POU6F2: variants seen among roughly 807,000 people sequenced by gnomAD.
POU6F2 encodes POU domain, class 6, transcription factor 2.
In POU6F2, 31 loss-of-function variants were observed where a neutral mutation model predicts 71.3. The observed-to-expected ratio is 0.43, with a 90% CI of 0.33 to 0.59. The LOEUF (loss-of-function observed/expected upper bound fraction) is 0.59, where lower values mean the gene tolerates loss of function less well. Ranked by LOEUF, POU6F2 falls within the 20% of genes least tolerant of loss-of-function variation. The pLI is 0.04. For synonymous variants in POU6F2, 347 were observed against 355.7 expected (o/e 0.98, Z 0.27); for missense variants, 783 against 856.8 (o/e 0.91, Z 1.07).
At chr7:39,455,409 C>A (rs1001215956) in intron 8 of POU6F2, among the ~76,000 whole-genome samples, 1 of 152,200 alleles carries the variant, frequency 6.6e-6, no homozygotes, top group African/African-American at 2.4e-5. Flanking sequence ...CCAAAGAGGT[C>A]ACCATATTGC....
intron 5 of POU6F2, among the ~76,000 whole-genome samples, chr7:39,379,027 C>T (rs552319036): frequency 6.6e-6 from 1 of 152,126 alleles, no homozygotes; most frequent in Non-Finnish European, 1.5e-5. Flanking sequence ...AAGAGGAGGA[C>T]AAGCAGATGG....
chr7:39,158,594 C>T (rs1226963542), intron 2 of POU6F2, among the ~76,000 whole-genome samples: 1 of 152,122 alleles, frequency 6.6e-6, no homozygotes, highest in Non-Finnish European at 1.5e-5. Flanking sequence ...GTGGAAATCC[C>T]AGAGTCCAAA....
At chr7:39,403,966 C>G (rs1787361865) in intron 5 of POU6F2, among the ~76,000 whole-genome samples, 1 of 152,194 alleles carries the variant, frequency 6.6e-6, no homozygotes, top group Non-Finnish European at 1.5e-5. Flanking sequence ...CAGGGCATCT[C>G]CCCAGAACCC....
chr7:39,038,717 A>C lies in POU6F2; in HGVS notation c.106-47143A>C, dbSNP rs190163363. On this transcript the variant is annotated intron_variant, in intron 1 of 9. Coordinates refer to ENST00000518318, the MANE Select transcript of POU6F2 (RefSeq NM_001370959.1). ...AACCCTTGCCTTATCATCCATACCC[A>C]CTGTAGTTCTTGCTGATATCTTAAT... 2.6e-5 allele frequency among the ~76,000 whole-genome samples: 4 copies of C among 151,982 alleles called. No individual in the cohort carries two copies. In the East Asian group the frequency reaches 5.8e-4, roughly 22 times the overall value.
chr7:39,213,756 A>C lies in POU6F2; in HGVS notation c.598+6136A>C, dbSNP rs142752210. ...TTCCAAGCAGTGTTTCATCATAAAA[A>C]TATGCTACATTTTGTTTATCTATGA... On this transcript the variant is annotated intron_variant, in intron 4 of 9. Coordinates refer to ENST00000518318, the MANE Select transcript of POU6F2 (RefSeq NM_001370959.1). Among the ~76,000 whole-genome samples, 535 of 152,356 alleles carry C rather than the reference A, an allele frequency of 3.5e-3. 4 individuals carry two copies. The highest frequency in any genetic ancestry group is 0.012 in the African/African-American group (496 of 41,576).
intron 4 of POU6F2, among the ~76,000 whole-genome samples, chr7:39,245,037 C>G (rs1041925435): frequency 1.3e-5 from 2 of 152,146 alleles, no homozygotes; most frequent in Non-Finnish European, 2.9e-5. Flanking sequence ...AAGTCTATAA[C>G]CTTATAGGTA....
chr7:39,006,970 T>A, intron 1 of POU6F2: 1 of 1,225,170 alleles, frequency 8.2e-7, no homozygotes, highest in Non-Finnish European at 1.2e-6. Context: ...TTGTCATGTT[T>A]CCTTGAGTCA....
At position 39,155,471 on chromosome 7, in the gene POU6F2, T is replaced by C. The variant is rs142968726; in HGVS notation, c.278-48764T>C. Among the ~76,000 whole-genome samples the C allele has an allele frequency of 2.0e-3, 309 of 152,328 alleles. 2 individuals carry two copies. Among genetic ancestry groups the C allele is most frequent in the African/African-American group, 7.2e-3 (301 of 41,568 alleles). ...GAAAAGAGGGAGGAGCATAAGAGAA[T>C]GATTTGTTGAAGACCAATCTGGAGG... On this transcript the variant is annotated intron_variant, in intron 2 of 9. Coordinates refer to ENST00000518318, the MANE Select transcript of POU6F2 (RefSeq NM_001370959.1).
intron 6 of POU6F2, among the ~76,000 whole-genome samples, chr7:39,427,912 G>A (rs1408264306): frequency 6.6e-6 from 1 of 152,192 alleles, no homozygotes; most frequent in African/African-American, 2.4e-5. Flanking sequence ...GACTGCTGCT[G>A]ATGACATGAA....
chr7:39,016,706 C>G (rs769421122), intron 1 of POU6F2, among the ~76,000 whole-genome samples: 7 of 152,130 alleles, frequency 4.6e-5, no homozygotes, highest in Non-Finnish European at 1.0e-4. Context: ...TCAGGGAAAT[C>G]ATCAGTGAGT....
At chr7:39,067,170 T>TA (rs1183885395) in intron 1 of POU6F2, among the ~76,000 whole-genome samples, 11,074 of 130,878 alleles carry the variant, frequency 0.085, 534 homozygotes, top group African/African-American at 0.15. Context: ...TTACTTTGAC[T>TA]AAAAAAAAAA....
intron 2 of POU6F2, among the ~76,000 whole-genome samples, chr7:39,097,742 A>G (rs928949429): frequency 6.6e-5 from 10 of 152,180 alleles, no homozygotes; most frequent in African/African-American, 1.9e-4. Context: ...CATAGAATTG[A>G]TCACCTAGCT....
chr7:39,345,343 C>T (rs1297767546), intron 5 of POU6F2, among the ~76,000 whole-genome samples: 2 of 152,176 alleles, frequency 1.3e-5, no homozygotes, highest in Non-Finnish European at 2.9e-5. Context: ...TAGCAAAAAT[C>T]CGCCAAAGTC....
intron 2 of POU6F2, among the ~76,000 whole-genome samples, chr7:39,176,700 G>T (rs1484022172): frequency 6.6e-6 from 1 of 152,168 alleles, no homozygotes; most frequent in Admixed American, 6.5e-5. Flanking sequence ...GAAAATGCAT[G>T]CATACAAACA....
intron 5 of POU6F2, among the ~76,000 whole-genome samples, chr7:39,401,666 C>T (rs560587111): frequency 1.4e-4 from 21 of 152,192 alleles, no homozygotes; most frequent in African/African-American, 5.1e-4. Flanking sequence ...CTGCATTTGC[C>T]CTGCTGTTTC....
chr7:39,446,672 C>G lies in POU6F2; in HGVS notation c.1321-4861C>G, dbSNP rs184782730. ...AGTAAAAACAAACCAAGAGAGCAAG[C>G]CTGTGAGAGCCAGTAGGACGTAGAA... On this transcript the variant is annotated intron_variant, in intron 7 of 9. Coordinates refer to ENST00000518318, the MANE Select transcript of POU6F2 (RefSeq NM_001370959.1). Among the ~76,000 whole-genome samples the G allele has an allele frequency of 5.8e-3, 889 of 152,330 alleles. 7 individuals carry two copies. The highest frequency in any genetic ancestry group is 0.011 in the Admixed American group (166 of 15,304).
At chr7:39,444,350 G>A (rs1056775543) in intron 7 of POU6F2, among the ~76,000 whole-genome samples, 5 of 152,182 alleles carry the variant, frequency 3.3e-5, no homozygotes, top group East Asian at 3.9e-4. Flanking sequence ...TTGGGAGGCC[G>A]AGGCAGGCAG....
chr7:39,247,413 T>A (rs866917559), intron 4 of POU6F2, among the ~76,000 whole-genome samples: 23 of 151,786 alleles, frequency 1.5e-4, no homozygotes, highest in African/African-American at 5.6e-4. Flanking sequence ...ATCTCACCTC[T>A]GCACTCCAGC....
chr7:39,292,526 G>A lies in POU6F2; in HGVS notation c.599-47116G>A, dbSNP rs191741877. ...GGTGAAAAGTAGCTCACTGGGGAGC[G>A]AGAGGAAACACCTTAGGAATAAGAG... On this transcript the variant is annotated intron_variant, in intron 4 of 9. Coordinates refer to ENST00000518318, the MANE Select transcript of POU6F2 (RefSeq NM_001370959.1). Among the ~76,000 whole-genome samples, 356 of 152,284 alleles carry A rather than the reference G, an allele frequency of 2.3e-3. 1 individual carries two copies. Among genetic ancestry groups the A allele is most frequent in the African/African-American group, 8.0e-3 (333 of 41,560 alleles).
Sources: allele counts gnomAD v4.1 joint callset (sites outside exome capture counted in the v4.1 genomes callset), GRCh38; gene constraint gnomAD v4.1.1; transcripts MANE v1.5; gene names NCBI Gene and HGNC (gene_info 2026-07-23, HGNC 2026-07-21).